Variants in CDC42BPA observed in about 807,000 individuals in gnomAD.
CDC42BPA encodes the protein CDC42 binding protein kinase alpha.
CDC42BPA carries 80 observed loss-of-function variants against 223.5 expected under a neutral mutation model. The observed-to-expected ratio is 0.36, with a 90% CI of 0.30 to 0.43. The LOEUF (loss-of-function observed/expected upper bound fraction) is 0.43, where lower values mean the gene tolerates loss of function less well. CDC42BPA is among the 20% of genes least tolerant of loss of function. CDC42BPA has a pLI of 1.00. For synonymous variants in CDC42BPA, 694 were observed against 718.6 expected, an observed-to-expected ratio of 0.97 and a Z score of 0.55; for missense variants, 1,743 against 2,099.9, an observed-to-expected ratio of 0.83 and a Z score of 3.32.
chr1:227,122,962 A>T (rs527411762), intron 11 of CDC42BPA, among the ~76,000 whole-genome samples: 31 of 152,378 alleles, frequency 2.0e-4, no homozygotes, highest in African/African-American at 7.0e-4. Flanking sequence ...ATTAGCCATG[A>T]CATTTAGATA....
intron 21 of CDC42BPA, chr1:227,059,528 T>G: frequency 2.2e-6 from 2 of 897,914 alleles, no homozygotes; most frequent in Admixed American, 4.5e-5. Context: ...AGCCACAGTT[T>G]TGGATAGGTT....
At chr1:227,187,688 C>CCA (rs1553383622) in intron 5 of CDC42BPA, among the ~76,000 whole-genome samples, 11 of 72,744 alleles carry the variant, frequency 1.5e-4, no homozygotes, top group East Asian at 4.2e-4. Context: ...CACCCCCCCC[C>CCA]CAAAAAAAAA....
chr1:227,296,788 A>C (rs1471882803), intron 1 of CDC42BPA, among the ~76,000 whole-genome samples: 1 of 151,950 alleles, frequency 6.6e-6, no homozygotes, highest in Non-Finnish European at 1.5e-5. Flanking sequence ...TGGGTTCTTA[A>C]ATATCACACC....
chr1:227,171,299 A>T (rs1028528863), intron 5 of CDC42BPA, among the ~76,000 whole-genome samples: 1 of 152,238 alleles, frequency 6.6e-6, no homozygotes, highest in African/African-American at 2.4e-5. Flanking sequence ...TTATGATTTT[A>T]GTTTTAAAAT....
At chr1:227,042,556 T>C (rs945832358) in intron 23 of CDC42BPA, among the ~76,000 whole-genome samples, 5 of 152,102 alleles carry the variant, frequency 3.3e-5, no homozygotes, top group African/African-American at 9.7e-5. Flanking sequence ...TTAAAGATCG[T>C]TATTCTGAGG....
intron 1 of CDC42BPA, among the ~76,000 whole-genome samples, chr1:227,272,957 C>T (rs1452416622): frequency 6.6e-6 from 1 of 152,120 alleles, no homozygotes; most frequent in Non-Finnish European, 1.5e-5. Flanking sequence ...CTAACTCAAA[C>T]GTATTGGCAA....
intron 5 of CDC42BPA, among the ~76,000 whole-genome samples, chr1:227,193,063 CTTTTTTTTTTT>C (rs1160548241): frequency 2.6e-5 from 3 of 117,032 alleles, no homozygotes; most frequent in Admixed American, 1.7e-4. Flanking sequence ...GAAGTGAGAA[CTTTTTTTTTTT>C]TTTTTTTTTT....
chr1:227,198,078 A>G (rs1270013680), intron 4 of CDC42BPA, among the ~76,000 whole-genome samples: 1 of 152,170 alleles, frequency 6.6e-6, no homozygotes, highest in Non-Finnish European at 1.5e-5. Context: ...TATAAAAGAA[A>G]TGTGTCATGA....
At position 227,252,897 on chromosome 1, in the gene CDC42BPA, T is replaced by C. The variant is rs146007910; in HGVS notation, c.270+1167A>G. ...AATAAAATTAAATTCTACTTCTAACTACTACCAAGAAAACAATTAAGAAAT... is the reference window on the plus strand; with the variant it reads ...AATAAAATTAAATTCTACTTCTAACCACTACCAAGAAAACAATTAAGAAAT... On this transcript the variant is annotated intron_variant, in intron 2 of 36. Transcript: ENST00000366766. Among the ~76,000 whole-genome samples the C allele has an allele frequency of 3.1e-3, 478 of 152,286 alleles. 11 individuals are homozygous for C. Among genetic ancestry groups the C allele is most frequent in the Admixed American group, 0.028 (424 of 15,290 alleles).
chr1:227,037,652 C>G (rs1375664945), intron 24 of CDC42BPA, among the ~76,000 whole-genome samples: 1 of 152,146 alleles, frequency 6.6e-6, no homozygotes, highest in Non-Finnish European at 1.5e-5. Context: ...AAGGTCCCTT[C>G]CCATTCTAAC....
intron 2 of CDC42BPA, among the ~76,000 whole-genome samples, chr1:227,244,757 T>A (rs1457224114): frequency 6.6e-6 from 1 of 152,152 alleles, no homozygotes; most frequent in Non-Finnish European, 1.5e-5. Context: ...TTTAACTTCA[T>A]ATCTTGAAAA....
chr1:227,125,375 G>A (rs748330783), intron 11 of CDC42BPA, among the ~76,000 whole-genome samples: 4 of 152,064 alleles, frequency 2.6e-5, no homozygotes, highest in Admixed American at 6.5e-5. Context: ...ACTTTGGAAA[G>A]CTGAGGAGGG....
intron 5 of CDC42BPA, chr1:227,183,298 A>G (rs1424195737): frequency 1.3e-5 from 2 of 152,152 alleles, no homozygotes; most frequent in East Asian, 1.9e-4. Context: ...CATTATCACA[A>G]AAGAACTCCC....
intron 21 of CDC42BPA, among the ~76,000 whole-genome samples, chr1:227,057,547 T>C (rs568175213): frequency 6.6e-6 from 1 of 152,254 alleles, no homozygotes; most frequent in East Asian, 1.9e-4. Context: ...ACTGAGATGC[T>C]TCTATTTAAC....
intron 1 of CDC42BPA, among the ~76,000 whole-genome samples, chr1:227,292,479 A>G (rs1350649624): frequency 6.6e-6 from 1 of 152,224 alleles, no homozygotes; most frequent in African/African-American, 2.4e-5. Flanking sequence ...ATTTCTACAC[A>G]GAATGGCAGT....
At chr1:227,199,434 T>TAC (rs1426815219) in intron 4 of CDC42BPA, 123 bp downstream of exon 4, 2 of 624,210 alleles carry the variant, frequency 3.2e-6, no homozygotes, top group Non-Finnish European at 5.5e-6. Context: ...GTGAACAACT[T>TAC]ACCCTGTATG....
At chr1:227,252,456 C>A (rs1200139503) in intron 2 of CDC42BPA, among the ~76,000 whole-genome samples, 1 of 152,050 alleles carries the variant, frequency 6.6e-6, no homozygotes, top group African/African-American at 2.4e-5. Context: ...ATCTTGTAAG[C>A]ATATCAGGAA....
intron 34 of CDC42BPA, among the ~76,000 whole-genome samples, chr1:227,007,514 T>C (rs1365643035): frequency 6.6e-6 from 1 of 152,360 alleles, no homozygotes; most frequent in Admixed American, 6.5e-5. Flanking sequence ...GTTTCCTATC[T>C]TTTCTTCCAA....
intron 35 of CDC42BPA, among the ~76,000 whole-genome samples, chr1:227,002,413 T>C (rs1190580459): frequency 6.6e-6 from 1 of 152,238 alleles, no homozygotes; most frequent in Non-Finnish European, 1.5e-5. Flanking sequence ...TAGGAGATAA[T>C]GGCAAGAAAG....
Sources: gnomAD v4.1 joint callset for allele counts (sites outside exome capture counted in the v4.1 genomes callset) on GRCh38, gnomAD v4.1.1 for gene constraint, MANE v1.5 for transcripts, NCBI Gene and HGNC (gene_info 2026-07-23, HGNC 2026-07-21) for gene names.